Variants in DDC observed in about 807,000 individuals in gnomAD.
DDC encodes dopa decarboxylase, also known as aromatic-L-amino-acid decarboxylase.
In DDC, 43 loss-of-function variants were observed where a neutral mutation model predicts 60.0. The observed-to-expected ratio is 0.72, with a 90% CI of 0.56 to 0.92. The LOEUF is 0.92. Among genes scored for constraint, DDC ranks in the 40% least tolerant of loss-of-function variants. The probability of loss-of-function intolerance (pLI) is 0.00; values close to 1 mark genes in which losing one functional copy is unlikely to be tolerated. For synonymous variants in DDC, 232 were observed against 234.6 expected, an observed-to-expected ratio of 0.99 and a Z score of 0.10; for missense variants, 573 against 620.2, an observed-to-expected ratio of 0.92 and a Z score of 0.81.
intron 10 of DDC, among the ~76,000 whole-genome samples, chr7:50,479,151 C>T (rs891926096): frequency 2.6e-5 from 4 of 152,176 alleles, no homozygotes; most frequent in Admixed American, 6.5e-5. Context: ...TTGTGCATTC[C>T]GTGCTGTGGC....
chr7:50,563,696 C>A (rs1037716571), intron 1 of DDC, among the ~76,000 whole-genome samples: 2 of 152,112 alleles, frequency 1.3e-5, no homozygotes, highest in African/African-American at 4.8e-5. Context: ...CCGCCTCCCA[C>A]GCTCAAGTGA....
chr7:50,510,253 G>T (rs934830067), intron 6 of DDC, among the ~76,000 whole-genome samples: 4 of 152,096 alleles, frequency 2.6e-5, no homozygotes, highest in African/African-American at 9.7e-5. Context: ...GAGATTACAG[G>T]TGTGAGCCAC....
chr7:50,504,501 A>T (rs2043339507), intron 6 of DDC, among the ~76,000 whole-genome samples: 1 of 151,138 alleles, frequency 6.6e-6, no homozygotes, highest in Non-Finnish European at 1.5e-5. Context: ...CTATGTTCTT[A>T]TATTCCATAT....
intron 6 of DDC, among the ~76,000 whole-genome samples, chr7:50,504,803 A>G (rs1300258190): frequency 6.6e-6 from 1 of 152,210 alleles, no homozygotes; most frequent in African/African-American, 2.4e-5. Flanking sequence ...AGCAGGGCCC[A>G]GACTGCCCAA....
At chr7:50,462,244 A>AAAAAAAAAAAAAAAAAAG in intron 14 of DDC, among the ~76,000 whole-genome samples, 1 of 150,640 alleles carries the variant, frequency 6.6e-6, no homozygotes, top group Non-Finnish European at 1.5e-5. Flanking sequence ...AAAAAAAAAA[A>AAAAAAAAAAAAAAAAAAG]AAAAGAAAAT....
At chr7:50,460,084 G>A (rs76988386) in intron 14 of DDC, among the ~76,000 whole-genome samples, 78,268 of 126,734 alleles carry the variant, frequency 0.62, 25,346 homozygotes, top group Admixed American at 0.72. Flanking sequence ...CGCCCGGCCA[G>A]CCGCCCCATC....
Position 50,544,044 on chromosome 7 carries a change from C to T in DDC, c.42G>A (p.Val14=), listed in dbSNP as rs1234378528. The T allele has an allele frequency of 1.9e-6, 3 of 1,614,200 alleles. No homozygotes were observed. The Admixed American group carries it at 5.0e-5, about 27-fold the overall frequency. The change falls in exon 2 of 15, where the codon GTG becomes GTA. Residue 14 remains valine, a synonymous_variant. Coordinates refer to ENST00000444124, the MANE Select transcript of DDC (RefSeq NM_001082971.2). The part of the protein sequence containing the change: ...SEFRRRGKEM[V]DYMANYMEGI... Reference sequence around the variant, plus strand: ...CTTCCATGTAGTTGGCCATGTAATCCACCATCTCCTTCCCTCTCCTTCGGA... The same window carrying T: ...CTTCCATGTAGTTGGCCATGTAATCTACCATCTCCTTCCCTCTCCTTCGGA...
intron 6 of DDC, among the ~76,000 whole-genome samples, chr7:50,519,312 C>G (rs547120021): frequency 6.6e-6 from 1 of 152,256 alleles, no homozygotes; most frequent in Admixed American, 6.5e-5. Context: ...ACTAGTATAG[C>G]CACTATGGAA....
intron 4 of DDC, among the ~76,000 whole-genome samples, chr7:50,533,785 C>CTGCA (rs2153547260): frequency 6.6e-6 from 1 of 152,338 alleles, no homozygotes; most frequent in African/African-American, 2.4e-5. Flanking sequence ...AATCTCCACA[C>CTGCA]TGCACAGAGC....
intron 9 of DDC, among the ~76,000 whole-genome samples, chr7:50,490,617 C>G (rs2042978594): frequency 6.6e-6 from 1 of 152,134 alleles, no homozygotes; most frequent in South Asian, 2.1e-4. Context: ...TTGCAGTGAG[C>G]TGAGATCATG....
intron 4 of DDC, among the ~76,000 whole-genome samples, chr7:50,537,084 C>T (rs1375271671): frequency 3.4e-5 from 5 of 149,188 alleles, no homozygotes; most frequent in African/African-American, 1.2e-4. Context: ...CATCCCAGTG[C>T]CATTTGTCCT....
rs117160167 is a variant in DDC, at chr7:50,539,735, C to T, written c.315+180G>A. ...TGTTGAGACTTTCTCTGTTCTCAAT[C>T]GCTACTTTCTCAGAGGCACTCTCTC... is the stretch of plus-strand genomic sequence containing the variant. On this transcript the variant is annotated intron_variant, in intron 3 of 14. Coordinates refer to ENST00000444124, the MANE Select transcript of DDC (RefSeq NM_001082971.2). The T allele has an allele frequency of 8.3e-5, 51 of 610,788 alleles. No homozygotes were observed. In the East Asian group the frequency reaches 1.3e-3, roughly 16 times the overall value. The allele number at this position is 610,788 out of a possible 1,614,324, so 37.8% of individuals were successfully genotyped here.
chr7:50,547,219 G>GT (rs894061978), intron 1 of DDC, among the ~76,000 whole-genome samples: 285 of 139,040 alleles, frequency 2.0e-3, no homozygotes, highest in African/African-American at 5.5e-3. Flanking sequence ...TTTTTTTTTT[G>GT]TTTTTTTTTG....
At chr7:50,526,040 G>T (rs2044029234) in intron 6 of DDC, among the ~76,000 whole-genome samples, 1 of 152,066 alleles carries the variant, frequency 6.6e-6, no homozygotes, top group Non-Finnish European at 1.5e-5. Context: ...AAGATAATAG[G>T]TTAGAATTTT....
At chr7:50,512,775 G>C (rs1371191302) in intron 6 of DDC, among the ~76,000 whole-genome samples, 1 of 152,146 alleles carries the variant, frequency 6.6e-6, no homozygotes, top group Non-Finnish European at 1.5e-5. Flanking sequence ...GGGATAAAAA[G>C]GGCCAGTGCC....
At chr7:50,529,174 G>C in intron 5 of DDC, 34 bp downstream of exon 5, 8 of 1,612,272 alleles carry the variant, frequency 5.0e-6, no homozygotes, top group Non-Finnish European at 6.8e-6. Context: ...TTCGGGTCTT[G>C]AAGTCTTGGC....
chr7:50,513,018 C>A (rs1197028409), intron 6 of DDC, among the ~76,000 whole-genome samples: 3 of 152,156 alleles, frequency 2.0e-5, no homozygotes, highest in Middle Eastern at 3.2e-3. Context: ...GACAGAGCAG[C>A]GTGTGGAGGC....
chr7:50,468,282 C>A (rs997503345), intron 12 of DDC, among the ~76,000 whole-genome samples: 48 of 152,362 alleles, frequency 3.2e-4, no homozygotes, highest in Non-Finnish European at 6.2e-4. Context: ...TTGAGCATCG[C>A]TGGACTCTGC....
chr7:50,520,095 C>G (rs916557320), intron 6 of DDC, among the ~76,000 whole-genome samples: 2 of 152,122 alleles, frequency 1.3e-5, no homozygotes, highest in African/African-American at 4.8e-5. Context: ...TTTGTCACCC[C>G]TTTGTCAGAA....
Sources: allele counts gnomAD v4.1 joint callset (sites outside exome capture counted in the v4.1 genomes callset), GRCh38; gene constraint gnomAD v4.1.1; transcripts MANE v1.5; gene names NCBI Gene and HGNC (gene_info 2026-07-23, HGNC 2026-07-21).